HECW1: variants seen among roughly 807,000 people sequenced by gnomAD.
HECW1 encodes HECT, C2 and WW domain containing E3 ubiquitin protein ligase 1.
In HECW1, 61 loss-of-function variants were observed where a neutral mutation model predicts 182.3. The observed-to-expected ratio is 0.33, with a 90% CI of 0.27 to 0.41. The LOEUF is 0.41. HECW1 is among the 10% of genes least tolerant of loss of function. The pLI is 1.00. For synonymous variants in HECW1, 859 were observed against 832.6 expected (o/e 1.03, Z -0.55); for missense variants, 1,739 against 2,108.9 (o/e 0.82, Z 3.44).
rs564388828 is a variant in HECW1 at position 43,486,449 on chromosome 7, G to A, written c.3235-5626G>A. ...CCTGAGTAGCTGAGGCTACAGGCAC[G>A]CACCCCTACACCCGGCTAATTTTTT... is the stretch of plus-strand genomic sequence containing the variant. On this transcript the variant is annotated intron_variant, in intron 17 of 29. Transcript: ENST00000395891. Among the ~76,000 whole-genome samples the A allele has an allele frequency of 1.8e-3, 267 of 152,146 alleles. 1 individual carries two copies. The highest frequency in any genetic ancestry group is 2.3e-3 in the Non-Finnish European group (158 of 67,992).
intron 6 of HECW1, among the ~76,000 whole-genome samples, chr7:43,365,937 A>G (rs1816587222): frequency 6.6e-6 from 1 of 152,164 alleles, no homozygotes; most frequent in Admixed American, 6.5e-5. Flanking sequence ...CTATAAAAAA[A>G]TAAAAAATAA....
In HECW1 at chr7:43,524,617, A is replaced by T. The variant is rs150561057; in HGVS notation, c.4019+15496A>T. Among the ~76,000 whole-genome samples, 538 of 152,344 alleles carry T rather than the reference A, an allele frequency of 3.5e-3. 2 individuals are homozygous for T. The highest frequency in any genetic ancestry group is 6.4e-3 in the Admixed American group (98 of 15,310). The stretch of plus-strand genomic sequence containing the variant: ...CTTTCTTTTCATTCTCCTGTGAGGT[A>T]AGTAAGCAAATACTAACATTATTAT... On this transcript the variant is annotated intron_variant, in intron 24 of 29. Transcript: ENST00000395891.
At chr7:43,198,002 C>T in intron 2 of HECW1, among the ~76,000 whole-genome samples, 1 of 151,752 alleles carries the variant, frequency 6.6e-6, no homozygotes, top group Non-Finnish European at 1.5e-5. Context: ...TAGGTCATCT[C>T]GACCCTCAAC....
intron 25 of HECW1, 92 bp downstream of exon 25, chr7:43,541,353 T>A: frequency 1.0e-6 from 1 of 996,554 alleles, no homozygotes; most frequent in Admixed American, 1.7e-5. Context: ...TTTGTCACTA[T>A]TTTGCCCTAA....
At chr7:43,195,444 A>G in intron 2 of HECW1, among the ~76,000 whole-genome samples, 1 of 152,174 alleles carries the variant, frequency 6.6e-6, no homozygotes, top group East Asian at 1.9e-4. Flanking sequence ...ACACAGCCAC[A>G]GGGCGGCAGA....
chr7:43,446,429 C>T (rs757600319), intron 11 of HECW1, among the ~76,000 whole-genome samples: 1 of 152,164 alleles, frequency 6.6e-6, no homozygotes, highest in Admixed American at 6.5e-5. Context: ...TGAAAAGTCA[C>T]ATAATAATAT....
At chr7:43,290,962 C>G (rs1288680231) in intron 3 of HECW1, among the ~76,000 whole-genome samples, 1 of 152,212 alleles carries the variant, frequency 6.6e-6, no homozygotes, top group East Asian at 1.9e-4. Context: ...CAAGAGAAGA[C>G]TGCATATGGA....
intron 2 of HECW1, among the ~76,000 whole-genome samples, chr7:43,180,664 G>A (rs900629271): frequency 1.3e-5 from 2 of 152,146 alleles, no homozygotes; most frequent in Non-Finnish European, 2.9e-5. Context: ...CAAAGTGCTG[G>A]GATTACGGGC....
intron 24 of HECW1, among the ~76,000 whole-genome samples, chr7:43,519,650 C>CAA (rs1418734121): frequency 6.6e-6 from 1 of 152,132 alleles, no homozygotes; most frequent in Admixed American, 6.5e-5. Context: ...TGCAAATGTC[C>CAA]ATCGGCAGGG....
intron 13 of HECW1, among the ~76,000 whole-genome samples, chr7:43,460,840 G>T (rs1170499433): frequency 6.6e-6 from 1 of 152,182 alleles, no homozygotes. Flanking sequence ...CTTCGGCAGA[G>T]GTCAGACGTA....
At chr7:43,366,152 C>T (rs1816627674) in intron 6 of HECW1, among the ~76,000 whole-genome samples, 1 of 149,396 alleles carries the variant, frequency 6.7e-6, no homozygotes, top group Non-Finnish European at 1.5e-5. Context: ...TTCACTAGTT[C>T]ATGTTTACAG....
intron 2 of HECW1, among the ~76,000 whole-genome samples, chr7:43,216,661 A>AT (rs549924160): frequency 0.031 from 4,328 of 141,668 alleles, 130 homozygotes; most frequent in East Asian, 0.1. Context: ...ATGCAGTGTA[A>AT]TTTTTTTTTT....
At chr7:43,256,204 A>G (rs1800549901) in intron 3 of HECW1, among the ~76,000 whole-genome samples, 1 of 152,370 alleles carries the variant, frequency 6.6e-6, no homozygotes, top group African/African-American at 2.4e-5. Context: ...AATCCAAAAT[A>G]GTAAATGTGA....
chr7:43,444,429 A>G lies in HECW1; in HGVS notation c.1257A>G (p.Ala419=). The G allele has an allele frequency of 6.2e-7, 1 of 1,614,016 alleles. No homozygotes were observed. The highest frequency in any genetic ancestry group is 8.5e-7 in the Non-Finnish European group (1 of 1,179,962). Reference sequence around the variant, plus strand: ...AGCTTTCCAGACCAGCTGAGGAAGCAGCAGTCATCACGGAGGCAGGAGACC... The same window carrying G: ...AGCTTTCCAGACCAGCTGAGGAAGCGGCAGTCATCACGGAGGCAGGAGACC... ...SIELSRPAEE[A]AVITEAGDQG... Residue 419 remains alanine, a synonymous_variant, in exon 11 of 30, where the codon GCA becomes GCG. Transcript: ENST00000395891. This position sits in a 1 kb window ranked among gnomAD's most constrained non-coding sequence, Gnocchi z 4.3.
intron 8 of HECW1, among the ~76,000 whole-genome samples, chr7:43,429,341 T>C (rs2076469805): frequency 7.5e-6 from 1 of 133,670 alleles, no homozygotes; most frequent in South Asian, 2.4e-4. Flanking sequence ...TATATACATA[T>C]ATGCAGATTC....
intron 2 of HECW1, among the ~76,000 whole-genome samples, chr7:43,240,257 G>C (rs979460706): frequency 3.3e-5 from 5 of 152,144 alleles, no homozygotes; most frequent in Non-Finnish European, 5.9e-5. Context: ...AGAATGGCGT[G>C]AACCCGGGAG....
At chr7:43,475,151 A>T (rs750413494) in intron 16 of HECW1, among the ~76,000 whole-genome samples, 1 of 152,218 alleles carries the variant, frequency 6.6e-6, no homozygotes, top group Non-Finnish European at 1.5e-5. Flanking sequence ...TTTTGCCACA[A>T]CAACAAAAAA....
intron 2 of HECW1, among the ~76,000 whole-genome samples, chr7:43,223,226 C>T (rs1484047748): frequency 6.6e-6 from 1 of 152,192 alleles, no homozygotes; most frequent in Non-Finnish European, 1.5e-5. Context: ...CATCCTGGTT[C>T]AGACCACCAC....
chr7:43,151,217 C>A (rs76278852), intron 2 of HECW1, among the ~76,000 whole-genome samples: 14,721 of 152,138 alleles, frequency 0.097, 813 homozygotes, highest in South Asian at 0.21. Flanking sequence ...CTGGCTACAC[C>A]TTTTCTTCCC....
Sources: allele counts gnomAD v4.1 joint callset (sites outside exome capture counted in the v4.1 genomes callset), GRCh38; gene constraint gnomAD v4.1.1; non-coding constraint Gnocchi (gnomAD v3.1); transcripts MANE v1.5; gene names NCBI Gene and HGNC (gene_info 2026-07-23, HGNC 2026-07-21).